The following TMA16 variants were observed in gnomAD, a reference collection of about 807,000 sequenced individuals.
The protein encoded by TMA16 is translation machinery-associated protein 16.
Under a neutral mutation model 27.1 loss-of-function variants are expected in TMA16, and 26 were observed. The observed-to-expected ratio is 0.96, with a 90% CI of 0.70 to 1.33. The LOEUF is 1.33. Ranked by LOEUF, TMA16 falls within the 40% of genes most tolerant of loss-of-function variation. TMA16 has a pLI of 0.00. For missense variants in TMA16, 233 were observed against 241.4 expected, an observed-to-expected ratio of 0.97 and a Z score of 0.23; for synonymous variants, 71 against 81.9, an observed-to-expected ratio of 0.87 and a Z score of 0.72.
At chr4:163,499,354 A>G (rs1168557349) in intron 1 of TMA16, among the ~76,000 whole-genome samples, 2 of 152,146 alleles carry the variant, frequency 1.3e-5, no homozygotes, top group African/African-American at 4.8e-5. Context: ...TGAATTTTAT[A>G]TAATGTTTAG....
chr4:163,515,548 G>A, intron 5 of TMA16, 87 bp downstream of exon 5: 1 of 1,356,114 alleles, frequency 7.4e-7, no homozygotes. Flanking sequence ...TTTAGATCTT[G>A]TTTATTTCAT....
chr4:163,513,210 A>G (rs1226327715), intron 3 of TMA16, among the ~76,000 whole-genome samples: 6 of 152,182 alleles, frequency 3.9e-5, no homozygotes, highest in African/African-American at 1.4e-4. Flanking sequence ...TATTTATTTA[A>G]TGATGTGGAC....
chr4:163,510,357 A>T (rs892740351), intron 2 of TMA16, among the ~76,000 whole-genome samples: 1 of 152,180 alleles, frequency 6.6e-6, no homozygotes, highest in Non-Finnish European at 1.5e-5. Context: ...TTCCTAGAAA[A>T]TTCCCTTGTG....
chr4:163,515,641 C>A (rs1737865244), intron 5 of TMA16, 180 bp downstream of exon 5: 1 of 619,378 alleles, frequency 1.6e-6, no homozygotes, highest in Non-Finnish European at 2.7e-6. Context: ...ACATTCCCAA[C>A]AAAACTATCA....
intron 2 of TMA16, among the ~76,000 whole-genome samples, chr4:163,509,919 A>C (rs900442767): frequency 6.6e-6 from 1 of 152,256 alleles, no homozygotes; most frequent in African/African-American, 2.4e-5. Flanking sequence ...ATGATGGGTA[A>C]GAATCTCAGA....
At chr4:163,512,936 CTT>C (rs1370428381) in intron 3 of TMA16, 77 bp downstream of exon 3, 1 of 1,100,838 alleles carries the variant, frequency 9.1e-7, no homozygotes, top group African/African-American at 1.6e-5. Context: ...TCTTTTTACT[CTT>C]TTAGTGAAAT....
intron 1 of TMA16, among the ~76,000 whole-genome samples, chr4:163,501,898 C>T (rs1737654979): frequency 6.6e-6 from 1 of 151,984 alleles, no homozygotes; most frequent in African/African-American, 2.4e-5. Context: ...GAGTCAGGAC[C>T]CTATGCTTTT....
At chr4:163,517,584 CTT>C in intron 6 of TMA16, 108 bp downstream of exon 6, 1 of 1,021,604 alleles carries the variant, frequency 9.8e-7, no homozygotes, top group Non-Finnish European at 1.4e-6. Context: ...AATCGGGTTT[CTT>C]TTAACCTTTT....
chr4:163,510,564 T>A (rs1342175197), intron 2 of TMA16, among the ~76,000 whole-genome samples: 1 of 152,236 alleles, frequency 6.6e-6, no homozygotes, highest in Non-Finnish European at 1.5e-5. Flanking sequence ...GTATTAGTTG[T>A]TCTTTCCTTT....
chr4:163,496,568 G>T (rs997204616), intron 1 of TMA16, among the ~76,000 whole-genome samples: 1 of 151,890 alleles, frequency 6.6e-6, no homozygotes, highest in Non-Finnish European at 1.5e-5. Context: ...ACTTCTTTAT[G>T]CTGCATTAAA....
chr4:163,495,601 T>C (rs75119476), intron 1 of TMA16, among the ~76,000 whole-genome samples: 2,551 of 152,336 alleles, frequency 0.017, 64 homozygotes, highest in African/African-American at 0.057. Flanking sequence ...TTGAGAGTAA[T>C]TCTTGCATAG....
intron 3 of TMA16, among the ~76,000 whole-genome samples, chr4:163,513,576 T>C (rs1050162616): frequency 2.0e-5 from 3 of 152,190 alleles, no homozygotes; most frequent in Non-Finnish European, 2.9e-5. Flanking sequence ...GCTTAATGTA[T>C]TTGCTAACTT....
Position 163,514,120 on chromosome 4 carries a change from G to T in TMA16, c.201G>T (p.Lys67Asn), listed in dbSNP as rs781413740. ...AAAATCATCTTGATCCCCAAAAAAA[G>T]AGATATTCAAAGAAAGATGCTTGTG... Reference protein sequence around the residue: ...WFQNHLDPQKKRYSKKDACEL... With the variant: ...WFQNHLDPQKNRYSKKDACEL... Residue 67 changes from lysine (K) to asparagine (N), a missense_variant, in exon 4 of 7, where the codon AAG (lysine) becomes AAT (asparagine). Transcript: ENST00000358572. The T allele has an allele frequency of 6.2e-7, 1 of 1,609,602 alleles. No individual in the cohort carries two copies. The highest frequency in any genetic ancestry group is 8.5e-7 in the Non-Finnish European group (1 of 1,178,202).
intron 6 of TMA16, among the ~76,000 whole-genome samples, chr4:163,519,051 A>G (rs186947179): frequency 9.2e-5 from 14 of 152,270 alleles, no homozygotes; most frequent in African/African-American, 3.4e-4. Flanking sequence ...TGAAAAGGAA[A>G]ACCTCTTCTG....
chr4:163,502,137 G>C (rs1053216171), intron 1 of TMA16, among the ~76,000 whole-genome samples: 4 of 152,144 alleles, frequency 2.6e-5, no homozygotes, highest in African/African-American at 9.7e-5. Context: ...ATTCTGACTA[G>C]ACGTTAGTAG....
intron 2 of TMA16, among the ~76,000 whole-genome samples, chr4:163,510,786 C>G (rs1243703999): frequency 1.3e-5 from 2 of 152,166 alleles, no homozygotes; most frequent in African/African-American, 2.4e-5. Context: ...TTTTCTATAG[C>G]TGCATTCATG....
chr4:163,517,534 C>CT, intron 6 of TMA16, 58 bp downstream of exon 6: 1 of 1,466,728 alleles, frequency 6.8e-7, no homozygotes, highest in South Asian at 1.2e-5. Context: ...GACAGGTGAA[C>CT]TTTCTTCCCC....
intron 2 of TMA16, among the ~76,000 whole-genome samples, chr4:163,509,317 G>A (rs187661955): frequency 6.6e-6 from 1 of 152,302 alleles, no homozygotes; most frequent in African/African-American, 2.4e-5. Flanking sequence ...TAAGCAAGGT[G>A]ATTGAAGAAG....
chr4:163,507,149 A>T lies in TMA16; in HGVS notation c.116+4A>T. On this transcript the variant is annotated splice_donor_region_variant and intron_variant, in intron 2 of 6. Transcript: ENST00000358572. ...ACAAACAAGAAAAAAAGGAAAAGTA[A>T]GTATCTTTTCATCATTTGTATTACT... is the stretch of plus-strand genomic sequence containing the variant. 6.4e-7 allele frequency: 1 copy of T among 1,562,698 alleles called. No individual in the cohort carries two copies. Among genetic ancestry groups the T allele is most frequent in the Non-Finnish European group, 8.7e-7 (1 of 1,152,054 alleles).
Sources: allele counts gnomAD v4.1 joint callset (sites outside exome capture counted in the v4.1 genomes callset), GRCh38; gene constraint gnomAD v4.1.1; transcripts MANE v1.5; gene names NCBI Gene and HGNC (gene_info 2026-07-23, HGNC 2026-07-21).